BLOC1S6: variants seen among roughly 807,000 people sequenced by gnomAD.
BLOC1S6 encodes biogenesis of lysosome-related organelles complex 1 subunit 6.
In BLOC1S6, 24 loss-of-function variants were observed where a neutral mutation model predicts 24.7. The observed-to-expected ratio is 0.97, with a 90% CI of 0.70 to 1.37. The LOEUF is 1.37. Ranked by LOEUF, BLOC1S6 falls within the 40% of genes most tolerant of loss-of-function variation. BLOC1S6 has a pLI of 0.00. For missense variants in BLOC1S6, 175 were observed against 196.2 expected, an observed-to-expected ratio of 0.89 and a Z score of 0.64; for synonymous variants, 76 against 72.6, an observed-to-expected ratio of 1.05 and a Z score of -0.23.
intron 2 of BLOC1S6, among the ~76,000 whole-genome samples, chr15:45,600,721 G>A (rs117544584): frequency 0.02 from 3,000 of 152,168 alleles, 44 homozygotes; most frequent in Non-Finnish European, 0.031. Flanking sequence ...TTTTGTTGAG[G>A]AGTTTTATAT....
chr15:45,602,301 T>A, intron 2 of BLOC1S6: 1 of 635,798 alleles, frequency 1.6e-6, no homozygotes, highest in Non-Finnish European at 2.8e-6. Context: ...TTTTTTTTTA[T>A]CATTATTCTC....
At chr15:45,590,238 G>C (rs1393338570) in intron 1 of BLOC1S6, among the ~76,000 whole-genome samples, 1 of 150,946 alleles carries the variant, frequency 6.6e-6, no homozygotes, top group Non-Finnish European at 1.5e-5. Flanking sequence ...TTTTATATGT[G>C]GAGTGCTTCA....
intron 4 of BLOC1S6, chr15:45,605,812 A>T: frequency 1.2e-5 from 4 of 338,518 alleles, no homozygotes; most frequent in Non-Finnish European, 2.2e-5. Flanking sequence ...CTGGTCTCAA[A>T]CTCCTGACCT....
rs1218918252 is a variant in BLOC1S6 at position 45,592,186 on chromosome 15, A to T, written c.134A>T (p.Glu45Val). ...GGGTTAATAGAGGACTTGACTATAGAAGACAAAGCAGTGGAGCAACTGGCA... is the reference window on the plus strand; with the variant it reads ...GGGTTAATAGAGGACTTGACTATAGTAGACAAAGCAGTGGAGCAACTGGCA... ...DEGLIEDLTI[E>V]DKAVEQLAEG... Residue 45 changes from glutamate to valine, a missense_variant, in exon 2 of 5, where the codon GAA (glutamate) becomes GTA (valine). By Grantham distance (121) the Glu-to-Val change is moderately radical. Coordinates refer to ENST00000220531, the MANE Select transcript of BLOC1S6 (RefSeq NM_012388.4). 6.2e-7 allele frequency: 1 copy of T among 1,614,176 alleles called. No individual in the cohort carries two copies. Among genetic ancestry groups the T allele is most frequent in the Admixed American group, 1.7e-5 (1 of 60,028 alleles).
intron 2 of BLOC1S6, among the ~76,000 whole-genome samples, chr15:45,595,922 C>A (rs1367003435): frequency 6.6e-6 from 1 of 152,142 alleles, no homozygotes; most frequent in Non-Finnish European, 1.5e-5. Context: ...ATTCTCCTGA[C>A]TCAGCCTCCT....
At chr15:45,589,878 G>C (rs1893820515) in intron 1 of BLOC1S6, among the ~76,000 whole-genome samples, 3 of 152,112 alleles carry the variant, frequency 2.0e-5, no homozygotes, top group African/African-American at 7.2e-5. Flanking sequence ...GAGTAACTGA[G>C]ACTCATCCAA....
rs200204287 is a variant in BLOC1S6, at chr15:45,592,194, G to T, written c.142G>T (p.Ala48Ser). Residue 48 changes from alanine (A) to serine (S), a missense_variant, in exon 2 of 5, where the codon GCA becomes TCA. Ala to Ser is a moderately conservative substitution (Grantham distance 99). Transcript: ENST00000220531. The part of the protein sequence containing the change: ...LIEDLTIEDK[A>S]VEQLAEGLLS... ...AGAGGACTTGACTATAGAAGACAAA[G>T]CAGTGGAGCAACTGGCAGAAGGATT... 60 of 1,614,018 alleles carry T rather than the reference G, an allele frequency of 3.7e-5. No individual in the cohort carries two copies. The highest frequency in any genetic ancestry group is 4.7e-5 in the Non-Finnish European group (56 of 1,180,048).
intron 3 of BLOC1S6, 82 bp from the exon 4 acceptor site, chr15:45,605,346 T>C (rs766454343): frequency 3.1e-4 from 350 of 1,126,878 alleles, no homozygotes; most frequent in Non-Finnish European, 4.2e-4. Context: ...GCACAAACTA[T>C]CATTTATATA....
At chr15:45,600,708 ATAT>A (rs1286607982) in intron 2 of BLOC1S6, among the ~76,000 whole-genome samples, 1 of 152,128 alleles carries the variant, frequency 6.6e-6, no homozygotes, top group Non-Finnish European at 1.5e-5. Context: ...CAATTTGCTA[ATAT>A]TTTGTTGAGG....
In BLOC1S6 at chr15:45,595,527, T is replaced by C. The variant is rs560576862; in HGVS notation, c.224+3251T>C. On this transcript the variant is annotated intron_variant, in intron 2 of 4. Transcript: ENST00000220531. ...AAGAGTTCTTTGTATATTTTTGATA[T>C]GAGTCCTTTATGTGTTTTGCAAATA... Among the ~76,000 whole-genome samples the C allele has an allele frequency of 4.6e-5, 7 of 152,358 alleles. No individual in the cohort carries two copies. The East Asian group carries it at 1.2e-3, about 25-fold the overall frequency.
rs1260933646 is a variant in BLOC1S6 at position 45,606,680 on chromosome 15, G to A, written c.*166G>A. The A allele has an allele frequency of 1.4e-5, 12 of 865,704 alleles. No homozygotes were observed. The African/African-American group carries it at 1.5e-4, about 11-fold the overall frequency. 53.6% of individuals were successfully genotyped at this position (865,704 alleles called of 1,614,324 possible). A position where few individuals can be genotyped will look rare whatever the true frequency, so the allele number is the denominator to read the frequency against. On this transcript the variant is annotated 3_prime_UTR_variant, in exon 5 of 5. Coordinates refer to ENST00000220531, the MANE Select transcript of BLOC1S6 (RefSeq NM_012388.4). ...CTTTTTTCCAAGTAGCAGACGTCATGTTGCATGGTTTTTGATATTTATATG... is the reference window on the plus strand; with the variant it reads ...CTTTTTTCCAAGTAGCAGACGTCATATTGCATGGTTTTTGATATTTATATG...
rs763054681 is a variant in BLOC1S6 at position 45,587,501 on chromosome 15, C to T, written c.58C>T (p.Leu20=). Residue 20 remains leucine, a synonymous_variant, in exon 1 of 5, where the codon CTG becomes TTG. Transcript: ENST00000220531. ...DGALTRPPYC[L]EAGEPTPGLS... is the part of the protein sequence containing the mutation. ...GGCCCTGACACGGCCACCCTACTGC[C>T]TGGAGGCCGGGGAGCCGACGCCTGG... 6.3e-7 allele frequency: 1 copy of T among 1,582,746 alleles called. No homozygotes were observed. Among genetic ancestry groups the T allele is most frequent in the Admixed American group, 1.8e-5 (1 of 56,000 alleles).
chr15:45,592,325 T>C, intron 2 of BLOC1S6, 49 bp downstream of exon 2: 6 of 1,596,308 alleles, frequency 3.8e-6, no homozygotes, highest in Non-Finnish European at 8.6e-7. Context: ...TGTGGCATAG[T>C]CACAATTTGT....
At chr15:45,606,260 C>T (rs1038835698) in intron 4 of BLOC1S6, 135 bp from the exon 5 acceptor site, 34 of 1,299,110 alleles carry the variant, frequency 2.6e-5, no homozygotes, top group Non-Finnish European at 3.5e-5. Context: ...TAAATTATCC[C>T]AAATTTAAAT....
upstream of BLOC1S6, chr15:45,587,351 T>G: frequency 2.4e-6 from 3 of 1,275,112 alleles, no homozygotes; most frequent in Non-Finnish European, 3.3e-6. Context: ...CGACAATCTC[T>G]TCTGTCCGGC....
Position 45,593,386 on chromosome 15 carries a change from G to GAA in BLOC1S6, c.224+1131_224+1132dup, listed in dbSNP as rs59495378. Among the ~76,000 whole-genome samples the GAA allele has an allele frequency of 1.3e-3, 84 of 63,202 alleles. 1 individual carries two copies. Among genetic ancestry groups the GAA allele is most frequent in the East Asian group, 2.0e-3 (3 of 1,472 alleles). 41.5% of individuals were successfully genotyped at this position (63,202 alleles called of 152,430 possible). A position where few individuals can be genotyped will look rare whatever the true frequency, so the allele number is the denominator to read the frequency against. Reference sequence around the variant, plus strand: ...GGTGACAGAGTGAGACTCTGTCTCCGAAAAAAAAAAAAAAAAAAAAAAGTG... The same window carrying GAA: ...GGTGACAGAGTGAGACTCTGTCTCCGAAAAAAAAAAAAAAAAAAAAAAAAGTG... On this transcript the variant is annotated intron_variant, in intron 2 of 4. Transcript: ENST00000220531.
chr15:45,603,758 T>C (rs549161238), intron 3 of BLOC1S6, among the ~76,000 whole-genome samples: 85 of 152,232 alleles, frequency 5.6e-4, no homozygotes, highest in African/African-American at 2.0e-3. Context: ...GTAATGAACC[T>C]TTGGGGTACC....
intron 1 of BLOC1S6, chr15:45,587,987 A>G (rs1291077845): frequency 1.0e-5 from 6 of 572,100 alleles, no homozygotes; most frequent in Admixed American, 3.4e-5. Flanking sequence ...GGAGGGATTT[A>G]AGCTCTAATG....
intron 1 of BLOC1S6, among the ~76,000 whole-genome samples, chr15:45,589,295 C>G (rs1252245304): frequency 6.6e-6 from 1 of 152,190 alleles, no homozygotes; most frequent in Non-Finnish European, 1.5e-5. Context: ...CATAGATACG[C>G]AAAGACAATT....
Sources: gnomAD v4.1 joint callset for allele counts (sites outside exome capture counted in the v4.1 genomes callset) on GRCh38, gnomAD v4.1.1 for gene constraint, MANE v1.5 for transcripts, NCBI Gene and HGNC (gene_info 2026-07-23, HGNC 2026-07-21) for gene names.